MAPK10: variants seen among roughly 807,000 people sequenced by gnomAD.
MAPK10 encodes JNK3 alpha protein kinase.
MAPK10 carries 25 observed loss-of-function variants against 59.3 expected under a neutral mutation model. The observed-to-expected ratio is 0.42, with a 90% CI of 0.31 to 0.59. MAPK10 has a LOEUF of 0.59. MAPK10 is among the 20% of genes least tolerant of loss of function. MAPK10 has a pLI of 0.15. For synonymous variants in MAPK10, 190 were observed against 200.5 expected (o/e 0.95, Z 0.44); for missense variants, 351 against 568.9 (o/e 0.62, Z 3.90).
At chr4:86,462,866 G>A (rs1378075761) in intron 1 of MAPK10, among the ~76,000 whole-genome samples, 1 of 152,108 alleles carries the variant, frequency 6.6e-6, no homozygotes, top group Non-Finnish European at 1.5e-5. Flanking sequence ...AGGTTTGAAG[G>A]AACTGCTTCA....
chr4:86,228,011 G>C (rs1296310716), intron 2 of MAPK10, among the ~76,000 whole-genome samples: 6 of 152,196 alleles, frequency 3.9e-5, no homozygotes, highest in Admixed American at 6.5e-5. Flanking sequence ...CAGGAGGTGA[G>C]ACGAAAGAGC....
chr4:86,552,168 C>A (rs1759843002), intron 1 of MAPK10, among the ~76,000 whole-genome samples: 2 of 151,696 alleles, frequency 1.3e-5, no homozygotes, highest in Admixed American at 6.6e-5. Flanking sequence ...GCCTGTAATC[C>A]CAGCACTTTG....
chr4:86,254,845 C>A (rs987831656), intron 2 of MAPK10, among the ~76,000 whole-genome samples: 2 of 151,838 alleles, frequency 1.3e-5, no homozygotes, highest in African/African-American at 4.8e-5. Context: ...CTTAGAACAT[C>A]TTTTTTTAAA....
At chr4:86,043,698 A>G (rs976361538) in intron 11 of MAPK10, among the ~76,000 whole-genome samples, 7 of 152,184 alleles carry the variant, frequency 4.6e-5, no homozygotes, top group African/African-American at 1.7e-4. Flanking sequence ...GCAGAAAACA[A>G]AGGCTATAAA....
intron 1 of MAPK10, among the ~76,000 whole-genome samples, chr4:86,430,761 G>A (rs1395671358): frequency 6.6e-6 from 1 of 152,064 alleles, no homozygotes; most frequent in Non-Finnish European, 1.5e-5. Context: ...CACATTAGAG[G>A]AAAAGGGAAA....
chr4:86,573,291 T>G (rs972385191), intron 1 of MAPK10, among the ~76,000 whole-genome samples: 49 of 152,202 alleles, frequency 3.2e-4, no homozygotes, highest in African/African-American at 1.1e-3. Context: ...TCAAGTTAAT[T>G]TCTTTATATG....
At chr4:86,170,603 A>G (rs1409383618) in intron 3 of MAPK10, among the ~76,000 whole-genome samples, 1 of 152,030 alleles carries the variant, frequency 6.6e-6, no homozygotes, top group East Asian at 1.9e-4. Flanking sequence ...AAAGAGACTT[A>G]GACTCCCACA....
At chr4:86,280,139 G>C (rs1317700388) in intron 2 of MAPK10, among the ~76,000 whole-genome samples, 1 of 152,076 alleles carries the variant, frequency 6.6e-6, no homozygotes, top group Non-Finnish European at 1.5e-5. Flanking sequence ...TGCAGAAGCA[G>C]AGCAAAAGAA....
chr4:86,532,758 C>T (rs1757939685), intron 1 of MAPK10, among the ~76,000 whole-genome samples: 1 of 152,180 alleles, frequency 6.6e-6, no homozygotes, highest in Admixed American at 6.5e-5. Flanking sequence ...TCCATAAGCA[C>T]TACTACTCTT....
At chr4:86,527,362 A>T (rs1757544319) in intron 1 of MAPK10, among the ~76,000 whole-genome samples, 2 of 150,644 alleles carry the variant, frequency 1.3e-5, no homozygotes, top group Non-Finnish European at 3.0e-5. Context: ...ACATGAACAG[A>T]TACTTTTCAA....
intron 2 of MAPK10, among the ~76,000 whole-genome samples, chr4:86,303,494 AAGAC>A (rs1037620208): frequency 4.6e-5 from 7 of 151,870 alleles, no homozygotes; most frequent in South Asian, 2.1e-4. Flanking sequence ...GAAAGAAAGA[AAGAC>A]AGACAGATAG....
At chr4:86,451,942 G>C (rs1046855102) in intron 1 of MAPK10, among the ~76,000 whole-genome samples, 1 of 152,154 alleles carries the variant, frequency 6.6e-6, no homozygotes, top group African/African-American at 2.4e-5. Context: ...AATCGAACAC[G>C]ATATGAACAG....
At chr4:86,151,039 T>C (rs1276841372) in intron 4 of MAPK10, among the ~76,000 whole-genome samples, 1 of 152,030 alleles carries the variant, frequency 6.6e-6, no homozygotes, top group African/African-American at 2.4e-5. Flanking sequence ...AGGTCGTCCA[T>C]AGGCAGGGGA....
rs181190477 is a variant in MAPK10 at position 86,113,892 on chromosome 4, T to G, written c.237-6540A>C. ...GTCTTTTTACATAATCCCATAGTTC[T>G]CAGAAGTTTTGTTCATTCCTTTTCA... On this transcript the variant is annotated intron_variant, in intron 4 of 13. Coordinates refer to ENST00000641462, the MANE Select transcript of MAPK10 (RefSeq NM_138982.4). 1.1e-4 allele frequency among the ~76,000 whole-genome samples: 17 copies of G among 152,358 alleles called. No individual in the cohort carries two copies. In the East Asian group the frequency reaches 3.3e-3, roughly 29 times the overall value.
intron 1 of MAPK10, among the ~76,000 whole-genome samples, chr4:86,506,359 T>A (rs920231872): frequency 6.6e-6 from 1 of 152,020 alleles, no homozygotes; most frequent in Non-Finnish European, 1.5e-5. Context: ...AGTCAGAGGG[T>A]CTTGGTTCAA....
At chr4:86,199,447 G>GAA (rs1027211430) in intron 2 of MAPK10, among the ~76,000 whole-genome samples, 15 of 151,782 alleles carry the variant, frequency 9.9e-5, no homozygotes, top group African/African-American at 3.4e-4. Context: ...ATGAAATTTT[G>GAA]AAAATATGCA....
chr4:86,272,866 C>G (rs2094473441), intron 2 of MAPK10, among the ~76,000 whole-genome samples: 1 of 152,048 alleles, frequency 6.6e-6, no homozygotes, highest in Admixed American at 6.6e-5. Flanking sequence ...ATTACATCAT[C>G]TGCTGCTCTT....
chr4:86,361,566 T>C (rs1277173921), upstream of MAPK10, among the ~76,000 whole-genome samples: 1 of 152,166 alleles, frequency 6.6e-6, no homozygotes, highest in Non-Finnish European at 1.5e-5. Context: ...TGCATTCCCA[T>C]ATTTATTGCA....
intron 2 of MAPK10, among the ~76,000 whole-genome samples, chr4:86,265,566 C>T (rs575799365): frequency 1.4e-4 from 21 of 151,514 alleles, no homozygotes; most frequent in African/African-American, 2.9e-4. Context: ...AAGTGGCCTG[C>T]CAAGTTATGG....
Sources: gnomAD v4.1 joint callset for allele counts (sites outside exome capture counted in the v4.1 genomes callset) on GRCh38, gnomAD v4.1.1 for gene constraint, MANE v1.5 for transcripts, NCBI Gene and HGNC (gene_info 2026-07-23, HGNC 2026-07-21) for gene names.